ADAMTSL1: variants seen among roughly 807,000 people sequenced by gnomAD.
The protein encoded by ADAMTSL1 is ADAMTS-like protein 1.
A neutral mutation model predicts 201.8 loss-of-function variants in ADAMTSL1; 126 were observed. The ratio of observed to expected loss-of-function variants is 0.62; its 90% CI spans 0.54 to 0.72. The LOEUF is 0.72. Among genes scored for constraint, ADAMTSL1 ranks in the 30% least tolerant of loss-of-function variants. ADAMTSL1 has a pLI of 0.00. For synonymous variants in ADAMTSL1, 1,121 were observed against 903.4 expected, an observed-to-expected ratio of 1.24 and a Z score of -4.32; for missense variants, 2,679 against 2,277.8, an observed-to-expected ratio of 1.18 and a Z score of -3.59.
intron 2 of ADAMTSL1, among the ~76,000 whole-genome samples, chr9:18,207,081 C>G (rs557988107): frequency 6.6e-6 from 1 of 152,092 alleles, no homozygotes; most frequent in South Asian, 2.1e-4. Flanking sequence ...AGGAGAATCG[C>G]TGGAACCTGG....
rs569693433 is a variant in ADAMTSL1, at chr9:18,269,205, C to T, written c.207+105224C>T. On this transcript the variant is annotated intron_variant, in intron 2 of 29. Transcript: ENST00000680146. ...GCTCAATAAAATTTGTAGACTCTTG[C>T]TTCATAGTTATTTATATACATATCA... 7.6e-4 allele frequency among the ~76,000 whole-genome samples: 116 copies of T among 152,190 alleles called. No homozygotes were observed. In the South Asian group the frequency reaches 0.021, roughly 27 times the overall value.
At chr9:17,975,975 C>G (rs1412181211) in intron 1 of ADAMTSL1, among the ~76,000 whole-genome samples, 3 of 152,014 alleles carry the variant, frequency 2.0e-5, no homozygotes, top group Admixed American at 1.3e-4. Flanking sequence ...ATTGAAGGAA[C>G]TAGCCTTCCC....
intron 7 of ADAMTSL1, chr9:18,651,320 G>A (rs1828238306): frequency 6.6e-6 from 1 of 152,190 alleles, no homozygotes; most frequent in Admixed American, 6.5e-5. Context: ...CCAGGTAGAA[G>A]AGTCCTCCTT....
intron 23 of ADAMTSL1, among the ~76,000 whole-genome samples, chr9:18,872,781 T>C (rs565521774): frequency 1.3e-5 from 2 of 152,202 alleles, no homozygotes; most frequent in East Asian, 3.8e-4. Context: ...CAGTTGCAAA[T>C]TCTGCTGCTA....
chr9:18,218,078 T>C (rs1373029152), intron 2 of ADAMTSL1, among the ~76,000 whole-genome samples: 1 of 152,076 alleles, frequency 6.6e-6, no homozygotes, highest in Non-Finnish European at 1.5e-5. Context: ...TAATTTTGAG[T>C]TTTTCCTGAC....
chr9:18,482,805 C>T (rs1821794792), intron 1 of ADAMTSL1, among the ~76,000 whole-genome samples: 1 of 152,152 alleles, frequency 6.6e-6, no homozygotes. Context: ...ACAATAAGAA[C>T]TCCTACTGTT....
At chr9:18,330,977 A>G (rs1020975981) in intron 2 of ADAMTSL1, among the ~76,000 whole-genome samples, 3 of 152,218 alleles carry the variant, frequency 2.0e-5, no homozygotes, top group Non-Finnish European at 4.4e-5. Context: ...AAGTGAAGAT[A>G]AAATCATGTG....
chr9:18,781,326 T>C (rs1188917197), intron 19 of ADAMTSL1, among the ~76,000 whole-genome samples: 1 of 152,216 alleles, frequency 6.6e-6, no homozygotes, highest in Non-Finnish European at 1.5e-5. Context: ...ATCACATTTT[T>C]TATTTTTCTG....
chr9:18,871,266 C>T (rs921987351), intron 23 of ADAMTSL1, among the ~76,000 whole-genome samples: 5 of 152,050 alleles, frequency 3.3e-5, no homozygotes, highest in African/African-American at 1.2e-4. Flanking sequence ...ACCATTAATC[C>T]ATTCCAACAA....
At chr9:18,520,916 G>A (rs1250727121) in intron 2 of ADAMTSL1, among the ~76,000 whole-genome samples, 1 of 152,164 alleles carries the variant, frequency 6.6e-6, no homozygotes, top group Non-Finnish European at 1.5e-5. Flanking sequence ...GTGGGATTCA[G>A]GGACCTTTCA....
chr9:18,510,930 T>A (rs1365042433), intron 2 of ADAMTSL1, among the ~76,000 whole-genome samples: 2 of 152,160 alleles, frequency 1.3e-5, no homozygotes, highest in East Asian at 3.8e-4. Context: ...TCTAGCTTTT[T>A]AAAAAATATT....
intron 1 of ADAMTSL1, among the ~76,000 whole-genome samples, chr9:18,096,330 C>A (rs1824252077): frequency 6.6e-6 from 1 of 152,216 alleles, no homozygotes; most frequent in African/African-American, 2.4e-5. Flanking sequence ...TTAGTTCTAT[C>A]AATAAACGTA....
At chr9:18,023,156 G>A (rs1162601412) in intron 1 of ADAMTSL1, among the ~76,000 whole-genome samples, 1 of 143,642 alleles carries the variant, frequency 7.0e-6, no homozygotes, top group Non-Finnish European at 1.6e-5. Context: ...ATATGTATAT[G>A]TATGTCTGCG....
chr9:18,700,418 A>T (rs1004805462), intron 13 of ADAMTSL1, among the ~76,000 whole-genome samples: 20 of 152,152 alleles, frequency 1.3e-4, no homozygotes, highest in Non-Finnish European at 2.4e-4. Flanking sequence ...AATACAAAGA[A>T]GGTGTTTCCT....
intron 2 of ADAMTSL1, among the ~76,000 whole-genome samples, chr9:18,531,850 GAGTTCCGAAGCC>G (rs1194873852): frequency 1.3e-5 from 2 of 152,168 alleles, no homozygotes; most frequent in East Asian, 3.9e-4. Flanking sequence ...ATGAGTGTGT[GAGTTCCGAAGCC>G]AGATGGCCTG....
chr9:18,778,044 CAGG>C, intron 19 of ADAMTSL1, 138 bp downstream of exon 19: 1 of 1,071,236 alleles, frequency 9.3e-7, no homozygotes, highest in Non-Finnish European at 1.3e-6. Flanking sequence ...TCATGGGGTG[CAGG>C]CCCTCTCTTA....
intron 1 of ADAMTSL1, among the ~76,000 whole-genome samples, chr9:17,961,894 C>G (rs1361852662): frequency 6.6e-6 from 1 of 152,168 alleles, no homozygotes; most frequent in Non-Finnish European, 1.5e-5. Context: ...CTTTTCAGAA[C>G]TCCCTGGAGC....
intron 1 of ADAMTSL1, among the ~76,000 whole-genome samples, chr9:18,060,051 G>T (rs1586963645): frequency 6.6e-6 from 1 of 152,144 alleles, no homozygotes; most frequent in Admixed American, 6.5e-5. Flanking sequence ...TAGCTACCCA[G>T]TTGAGCTCCT....
In ADAMTSL1 at chr9:18,529,383, T is replaced by C. The variant is rs117525025; in HGVS notation, c.192-3864T>C. Reference sequence around the variant, plus strand: ...TAGCTTAGTGTTAGTATACTATGTATCTTGAGCACATCATGTTCCTTTTCT... The same window carrying C: ...TAGCTTAGTGTTAGTATACTATGTACCTTGAGCACATCATGTTCCTTTTCT... On this transcript the variant is annotated intron_variant, in intron 2 of 28. Transcript: ENST00000380548. Among the ~76,000 whole-genome samples, 32 of 152,314 alleles carry C rather than the reference T, an allele frequency of 2.1e-4. No individual in the cohort carries two copies. In the East Asian group the frequency reaches 4.2e-3, roughly 20 times the overall value.
Sources: gnomAD v4.1 joint callset for allele counts (sites outside exome capture counted in the v4.1 genomes callset) on GRCh38, gnomAD v4.1.1 for gene constraint, MANE v1.5 for transcripts, NCBI Gene and HGNC (gene_info 2026-07-23, HGNC 2026-07-21) for gene names.